CMIP: variants seen among roughly 807,000 people sequenced by gnomAD.
The protein encoded by CMIP is C-Maf-inducing protein.
A neutral mutation model predicts 97.3 loss-of-function variants in CMIP; 13 were observed. The ratio of observed to expected loss-of-function variants is 0.13; its 90% CI spans 0.09 to 0.21. CMIP has a LOEUF of 0.21. Ranked by LOEUF, CMIP falls within the 10% of genes least tolerant of loss-of-function variation. CMIP has a pLI of 1.00. For missense variants in CMIP, 847 were observed against 1,024.9 expected, an observed-to-expected ratio of 0.83 and a Z score of 2.37; for synonymous variants, 538 against 436.3, an observed-to-expected ratio of 1.23 and a Z score of -2.91.
chr16:81,675,807 C>T (rs1904298765), intron 9 of CMIP, among the ~76,000 whole-genome samples: 1 of 152,152 alleles, frequency 6.6e-6, no homozygotes, highest in Non-Finnish European at 1.5e-5. Flanking sequence ...CCTCCTGGTG[C>T]CTGGGACTCT....
intron 3 of CMIP, among the ~76,000 whole-genome samples, chr16:81,634,328 C>G (rs144829743): frequency 6.6e-6 from 1 of 152,192 alleles, no homozygotes; most frequent in African/African-American, 2.4e-5. Flanking sequence ...TGTATGAACA[C>G]GAGTCTGACT....
chr16:81,475,999 A>AC, intron 1 of CMIP: 1 of 573,606 alleles, frequency 1.7e-6, no homozygotes, highest in East Asian at 3.6e-5. Flanking sequence ...AAAAAAAAAA[A>AC]AAAGATAAAA....
chr16:81,477,051 G>A (rs917010653), intron 1 of CMIP, among the ~76,000 whole-genome samples: 23 of 152,102 alleles, frequency 1.5e-4, no homozygotes, highest in Admixed American at 2.0e-4. Context: ...AATTCATGCC[G>A]CGTTGAGCTG....
intron 1 of CMIP, among the ~76,000 whole-genome samples, chr16:81,512,492 G>T (rs2089833052): frequency 6.6e-6 from 1 of 152,176 alleles, no homozygotes; most frequent in African/African-American, 2.4e-5. Flanking sequence ...TGTCAGATGG[G>T]ATCATCCGAA....
chr16:81,685,060 T>C (rs901373229), intron 10 of CMIP, among the ~76,000 whole-genome samples: 8 of 152,232 alleles, frequency 5.3e-5, no homozygotes, highest in African/African-American at 1.9e-4. Flanking sequence ...CATTCCCTTC[T>C]TCGTGGGCCT....
Position 81,457,255 on chromosome 16 carries a change from C to T in CMIP, c.300+11714C>T, listed in dbSNP as rs144846849. Among the ~76,000 whole-genome samples the T allele has an allele frequency of 1.5e-3, 221 of 152,184 alleles. 2 individuals are homozygous for T. The highest frequency in any genetic ancestry group is 5.2e-3 in the African/African-American group (215 of 41,512). ...TTGCTCCCCTGTGGCGCGGCACCAC[C>T]CCAGCTGGGCAGCCAGGTCGCCTTT... On this transcript the variant is annotated intron_variant, in intron 1 of 20. Coordinates refer to ENST00000537098, the MANE Select transcript of CMIP (RefSeq NM_198390.3).
At chr16:81,486,502 A>G (rs1222969525) in intron 1 of CMIP, among the ~76,000 whole-genome samples, 2 of 152,264 alleles carry the variant, frequency 1.3e-5, no homozygotes, top group Non-Finnish European at 2.9e-5. Context: ...GCTGGAGTTC[A>G]TTCAGGAGGG....
intron 13 of CMIP, chr16:81,696,318 C>T (rs1244633957): frequency 1.7e-6 from 1 of 578,980 alleles, no homozygotes; most frequent in East Asian, 2.9e-5. Context: ...GGCCTGCCCT[C>T]CCTCCTGTGC....
chr16:81,681,109 C>T (rs1597242220), intron 10 of CMIP, among the ~76,000 whole-genome samples: 1 of 152,216 alleles, frequency 6.6e-6, no homozygotes. Flanking sequence ...GACGGGTTCC[C>T]GATGGGGCTA....
At chr16:81,540,979 C>CTT (rs35461140) in intron 1 of CMIP, among the ~76,000 whole-genome samples, 13 of 142,030 alleles carry the variant, frequency 9.2e-5, no homozygotes, top group Middle Eastern at 3.7e-3. Flanking sequence ...TGCACCCGGC[C>CTT]TTTTTTTTTT....
intron 1 of CMIP, among the ~76,000 whole-genome samples, chr16:81,547,982 C>G (rs2090580733): frequency 6.6e-6 from 1 of 152,202 alleles, no homozygotes; most frequent in African/African-American, 2.4e-5. Flanking sequence ...AGCACGCCGG[C>G]AATCATGTCA....
At chr16:81,573,853 G>C (rs2091140620) in intron 1 of CMIP, among the ~76,000 whole-genome samples, 1 of 152,214 alleles carries the variant, frequency 6.6e-6, no homozygotes, top group Non-Finnish European at 1.5e-5. Context: ...AGTTGTTCAA[G>C]AATGTGAGCT....
At chr16:81,601,540 A>G (rs2091657573) in intron 1 of CMIP, among the ~76,000 whole-genome samples, 1 of 152,048 alleles carries the variant, frequency 6.6e-6, no homozygotes, top group South Asian at 2.1e-4. Flanking sequence ...AGGTCCTTCT[A>G]GGCCCTATTT....
chr16:81,648,907 C>A (rs936634418), intron 3 of CMIP, among the ~76,000 whole-genome samples: 2 of 151,514 alleles, frequency 1.3e-5, no homozygotes, highest in Admixed American at 6.6e-5. Context: ...TCTGCACTGT[C>A]CCCTAGAGCC....
intron 1 of CMIP, among the ~76,000 whole-genome samples, chr16:81,451,745 T>G (rs1906228339): frequency 6.6e-6 from 1 of 152,180 alleles, no homozygotes; most frequent in Non-Finnish European, 1.5e-5. Flanking sequence ...ATGCGCTGAC[T>G]TCCACCCACA....
intron 10 of CMIP, 138 bp from the exon 11 acceptor site, chr16:81,691,637 G>A (rs1906089662): frequency 2.9e-6 from 2 of 693,466 alleles, no homozygotes; most frequent in Admixed American, 2.1e-5. Context: ...TCCTGGAGGT[G>A]GAAGTGGGTG....
In CMIP at chr16:81,554,801, A is replaced by T. The variant is rs372627438; in HGVS notation, c.301-52766A>T. ...ATCTGGTAAGACTCTGTGGGACCCA[A>T]CGAAAGCATAGAGTGCTTAGCATCG... On this transcript the variant is annotated intron_variant, in intron 1 of 20. Transcript: ENST00000537098. Among the ~76,000 whole-genome samples, 13 of 152,348 alleles carry T rather than the reference A, an allele frequency of 8.5e-5. No individual in the cohort carries two copies. In the South Asian group the frequency reaches 2.7e-3, roughly 32 times the overall value.
intron 1 of CMIP, among the ~76,000 whole-genome samples, chr16:81,452,548 G>A (rs140943713): frequency 4.6e-5 from 7 of 152,252 alleles, no homozygotes; most frequent in African/African-American, 1.7e-4. Flanking sequence ...GCAGGGTGGG[G>A]CGAGTGGTGG....
At chr16:81,695,542 C>G (rs539492701) in intron 13 of CMIP, 1 of 152,342 alleles carries the variant, frequency 6.6e-6, no homozygotes, top group African/African-American at 2.4e-5. Context: ...CTTCTCTCAG[C>G]TTTCTTCGGA....
Sources: allele counts gnomAD v4.1 joint callset (sites outside exome capture counted in the v4.1 genomes callset), GRCh38; gene constraint gnomAD v4.1.1; transcripts MANE v1.5; gene names NCBI Gene and HGNC (gene_info 2026-07-23, HGNC 2026-07-21).